The following LNX1 variants were observed in gnomAD, a reference collection of about 807,000 sequenced individuals.
The protein encoded by LNX1 is ligand of numb-protein X 1, also known as E3 ubiquitin-protein ligase LNX.
A neutral mutation model predicts 68.4 loss-of-function variants in LNX1; 54 were observed. The observed-to-expected ratio is 0.79, with a 90% CI of 0.63 to 0.99. LNX1 has a LOEUF of 0.99. Among genes scored for constraint, LNX1 ranks in the 50% least tolerant of loss-of-function variants. The pLI is 0.00. For synonymous variants in LNX1, 336 were observed against 350.0 expected (o/e 0.96, Z 0.45); for missense variants, 906 against 926.4 (o/e 0.98, Z 0.29).
At chr4:53,591,684 G>T, upstream of LNX1, 2 of 612,644 alleles carry the variant, frequency 3.3e-6, no homozygotes, top group Non-Finnish European at 4.1e-6. Context: ...GCGTCTCTTT[G>T]TGGACAAATA....
intron 9 of LNX1, among the ~76,000 whole-genome samples, chr4:53,467,477 C>G (rs2150562770): frequency 6.6e-6 from 1 of 152,256 alleles, no homozygotes; most frequent in South Asian, 2.1e-4. Context: ...AGCAATGGAA[C>G]AAAGCTGAAC....
Position 53,498,815 on chromosome 4 carries a change from T to C in LNX1, c.804A>G (p.Pro268=). The C allele has an allele frequency of 6.2e-7, 1 of 1,613,866 alleles. No homozygotes were observed. The highest frequency in any genetic ancestry group is 8.5e-7 in the Non-Finnish European group (1 of 1,179,892). The change falls in exon 5 of 11, where the codon CCA becomes CCG. Residue 268 remains proline, a synonymous_variant. Coordinates refer to ENST00000263925, the MANE Select transcript of LNX1 (RefSeq NM_001126328.3). Reference sequence around the variant, plus strand: ...TCTTGATGCTGGTAATTTCACCATCTGGAATCAGGTGGTACAACCTTGGAA... The same window carrying C: ...TCTTGATGCTGGTAATTTCACCATCCGGAATCAGGTGGTACAACCTTGGAA... ...EVFPRLYHLI[P]DGEITSIKIN... is the part of the protein sequence containing the mutation.
intron 2 of LNX1, among the ~76,000 whole-genome samples, chr4:53,530,680 TTAAG>T (rs1371104420): frequency 6.6e-6 from 1 of 152,216 alleles, no homozygotes. Flanking sequence ...TAGTGAAAAC[TTAAG>T]TATGTATCTA....
intron 2 of LNX1, among the ~76,000 whole-genome samples, chr4:53,540,564 C>A (rs1309208686): frequency 6.6e-6 from 1 of 151,918 alleles, no homozygotes; most frequent in Non-Finnish European, 1.5e-5. Context: ...TGCCTGTAAT[C>A]CCAGCTACTC....
Position 53,481,851 on chromosome 4 carries a change from T to A in LNX1, c.1354A>T (p.Ser452Cys). 1 of 1,594,964 alleles carries A rather than the reference T, an allele frequency of 6.3e-7. No homozygotes were observed. The highest frequency in any genetic ancestry group is 1.7e-5 in the Admixed American group (1 of 58,238). Residue 452 changes from serine (S) to cysteine (C), a missense_variant, in exon 7 of 11, where the codon AGT becomes TGT. Coordinates refer to ENST00000263925, the MANE Select transcript of LNX1 (RefSeq NM_001126328.3). ...PESAAHLIQA[S>C]ERRVHLVVSR... ...ACGACGAGGTGAACACGTCTTTCACTGGCCTGGGCAAGAAGACACAGGCAT... is the reference window on the plus strand; with the variant it reads ...ACGACGAGGTGAACACGTCTTTCACAGGCCTGGGCAAGAAGACACAGGCAT...
intron 6 of LNX1, among the ~76,000 whole-genome samples, chr4:53,493,036 C>T (rs1724811928): frequency 6.6e-6 from 1 of 152,124 alleles, no homozygotes; most frequent in Non-Finnish European, 1.5e-5. Context: ...GTGGTGCGAT[C>T]TTGGCTCACT....
intron 9 of LNX1, among the ~76,000 whole-genome samples, chr4:53,466,564 G>A (rs1722699945): frequency 6.6e-6 from 1 of 152,196 alleles, no homozygotes; most frequent in African/African-American, 2.4e-5. Flanking sequence ...GAAGCACAAG[G>A]GATCAGGGAA....
chr4:53,623,499 G>C (rs572198939), intron 1 of LNX1, among the ~76,000 whole-genome samples: 4 of 152,038 alleles, frequency 2.6e-5, no homozygotes, highest in Non-Finnish European at 5.9e-5. Context: ...CTCTCAAAGT[G>C]TTGGGATTAC....
intron 1 of LNX1, among the ~76,000 whole-genome samples, chr4:53,645,725 C>T (rs1734859861): frequency 6.6e-6 from 1 of 152,144 alleles, no homozygotes; most frequent in South Asian, 2.1e-4. Context: ...CACATGACCA[C>T]CTTCCCTGAG....
At chr4:53,462,170 G>A (rs1220287960) in intron 9 of LNX1, among the ~76,000 whole-genome samples, 3 of 152,002 alleles carry the variant, frequency 2.0e-5, no homozygotes, top group Admixed American at 6.6e-5. Flanking sequence ...AAGATTATAA[G>A]AACAATTCAA....
chr4:53,507,552 A>G (rs1027888494), intron 3 of LNX1, 83 bp from the exon 4 acceptor site: 42 of 1,439,058 alleles, frequency 2.9e-5, no homozygotes, highest in Middle Eastern at 1.9e-4. Flanking sequence ...GATATACACA[A>G]TAAGACATTA....
chr4:53,536,087 T>C (rs1479178900), intron 2 of LNX1, among the ~76,000 whole-genome samples: 1 of 152,214 alleles, frequency 6.6e-6, no homozygotes, highest in Non-Finnish European at 1.5e-5. Context: ...TGTAGCTGCT[T>C]TGCCATTGTT....
chr4:53,540,043 C>A (rs1728641470), intron 2 of LNX1, among the ~76,000 whole-genome samples: 1 of 152,198 alleles, frequency 6.6e-6, no homozygotes, highest in Non-Finnish European at 1.5e-5. Flanking sequence ...AAATCTAGTG[C>A]TATCTGAATA....
At chr4:53,516,673 A>C (rs1726811264) in intron 2 of LNX1, among the ~76,000 whole-genome samples, 1 of 152,218 alleles carries the variant, frequency 6.6e-6, no homozygotes, top group South Asian at 2.1e-4. Context: ...CCTATGTGAC[A>C]CCAATGAGGA....
In LNX1 at chr4:53,610,140, A is replaced by G. The variant is rs141948592; in HGVS notation, c.-215+6377T>C. Among the ~76,000 whole-genome samples the G allele has an allele frequency of 6.0e-3, 910 of 152,264 alleles. 3 individuals carry two copies. The highest frequency in any genetic ancestry group is 0.018 in the African/African-American group (733 of 41,576). On this transcript the variant is annotated intron_variant, in intron 2 of 3. Transcript: ENST00000504299. The stretch of plus-strand genomic sequence containing the variant: ...TTTTTATTGTTTTTCATATGTCCGC[A>G]GAACATTTATAGAGACTGATCAGGT...
At chr4:53,472,663 TCAACAA>T (rs199893471) in intron 9 of LNX1, among the ~76,000 whole-genome samples, 3 of 126,520 alleles carry the variant, frequency 2.4e-5, no homozygotes, top group African/African-American at 5.9e-5. Context: ...AATGATTTAT[TCAACAA>T]CAACAACAAC....
At chr4:53,548,153 A>G (rs1017740053) in intron 2 of LNX1, among the ~76,000 whole-genome samples, 3 of 150,874 alleles carry the variant, frequency 2.0e-5, no homozygotes, top group African/African-American at 7.3e-5. Flanking sequence ...AAATATGACT[A>G]TGAGAAAAGG....
At chr4:53,520,799 T>A (rs1211124701) in intron 2 of LNX1, among the ~76,000 whole-genome samples, 3 of 152,062 alleles carry the variant, frequency 2.0e-5, no homozygotes, top group Non-Finnish European at 4.4e-5. Flanking sequence ...CCATCTCTAC[T>A]AAAAATACAA....
At chr4:53,565,724 A>T (rs1367281874) in intron 2 of LNX1, among the ~76,000 whole-genome samples, 3 of 149,490 alleles carry the variant, frequency 2.0e-5, no homozygotes, top group South Asian at 2.1e-4. Context: ...CATTCAAACC[A>T]AAGGCAAAGA....
Sources: allele counts gnomAD v4.1 joint callset (sites outside exome capture counted in the v4.1 genomes callset), GRCh38; gene constraint gnomAD v4.1.1; transcripts MANE v1.5; gene names NCBI Gene and HGNC (gene_info 2026-07-23, HGNC 2026-07-21).